The following DSCAM variants were observed in gnomAD, a reference collection of about 807,000 sequenced individuals.
The protein encoded by DSCAM is DS cell adhesion molecule.
In DSCAM, 47 loss-of-function variants were observed where a neutral mutation model predicts 217.7. The observed-to-expected ratio is 0.22, with a 90% CI of 0.17 to 0.28. The LOEUF is 0.28. Ranked by LOEUF, DSCAM falls within the 10% of genes least tolerant of loss-of-function variation. The pLI, the probability that DSCAM is intolerant of heterozygous loss-of-function variation, is 1.00. For missense variants in DSCAM, 2,080 were observed against 2,618.3 expected (o/e 0.79, Z 4.49); for synonymous variants, 1,056 against 1,015.3 (o/e 1.04, Z -0.76).
intron 23 of DSCAM, among the ~76,000 whole-genome samples, chr21:40,084,727 T>C (rs1196705012): frequency 6.6e-6 from 1 of 152,054 alleles, no homozygotes; most frequent in African/African-American, 2.4e-5. Flanking sequence ...AAAATTCCCT[T>C]CTCTTTTCCT....
At chr21:40,280,640 A>T (rs2073748113) in intron 10 of DSCAM, among the ~76,000 whole-genome samples, 1 of 152,250 alleles carries the variant, frequency 6.6e-6, no homozygotes, top group African/African-American at 2.4e-5. Context: ...AAATTCAAAC[A>T]GTAAAAAAGT....
At chr21:40,425,438 G>C (rs901601621) in intron 3 of DSCAM, among the ~76,000 whole-genome samples, 5 of 151,940 alleles carry the variant, frequency 3.3e-5, no homozygotes, top group African/African-American at 1.2e-4. Flanking sequence ...CACCAACCTG[G>C]CGCATGTATA....
intron 11 of DSCAM, among the ~76,000 whole-genome samples, chr21:40,222,423 CATGGGA>C (rs2091296166): frequency 6.6e-6 from 1 of 152,160 alleles, no homozygotes; most frequent in Non-Finnish European, 1.5e-5. Flanking sequence ...TTTGGTTCTG[CATGGGA>C]ATTAATCTTT....
chr21:40,437,198 G>A (rs1295385797), intron 3 of DSCAM, among the ~76,000 whole-genome samples: 1 of 152,152 alleles, frequency 6.6e-6, no homozygotes, highest in Non-Finnish European at 1.5e-5. Context: ...CAGAAGGGGT[G>A]TAGACAGGCT....
intron 3 of DSCAM, among the ~76,000 whole-genome samples, chr21:40,432,211 A>AAAT (rs1569120503): frequency 6.4e-5 from 3 of 46,794 alleles, no homozygotes; most frequent in African/African-American, 1.7e-4. Context: ...ATAATAATAA[A>AAAT]AAATAAATAT....
At chr21:40,576,711 GA>G (rs1195427100) in intron 3 of DSCAM, among the ~76,000 whole-genome samples, 3 of 151,794 alleles carry the variant, frequency 2.0e-5, no homozygotes, top group African/African-American at 4.8e-5. Flanking sequence ...TAGAACTCCT[GA>G]AAAATCCAAC....
intron 3 of DSCAM, among the ~76,000 whole-genome samples, chr21:40,635,124 G>A (rs1326407905): frequency 1.3e-5 from 2 of 152,100 alleles, no homozygotes; most frequent in African/African-American, 4.8e-5. Context: ...AGAGAGGTAG[G>A]TCACCATTCA....
intron 3 of DSCAM, among the ~76,000 whole-genome samples, chr21:40,614,232 C>G (rs2837748): frequency 2.7e-4 from 41 of 151,950 alleles, no homozygotes; most frequent in Middle Eastern, 3.4e-3. Flanking sequence ...GTAGACCACC[C>G]TAAGGGTTTT....
chr21:40,585,929 T>A (rs1343683007), intron 3 of DSCAM, among the ~76,000 whole-genome samples: 1 of 152,204 alleles, frequency 6.6e-6, no homozygotes, highest in African/African-American at 2.4e-5. Flanking sequence ...CTATCTCAGC[T>A]CACTGCAACC....
rs543982585 is a variant in DSCAM at position 40,012,973 on chromosome 21, AG to A, written c.*60del. ...TAAATATTGGAATTCCGTAAAAAAA[AG>A]GTAGCTTTGATTGAATTGTTTGAAT... On this transcript the variant is annotated 3_prime_UTR_variant, in exon 33 of 33. Coordinates refer to ENST00000400454, the MANE Select transcript of DSCAM (RefSeq NM_001389.5). 1.0e-4 allele frequency: 121 copies of A among 1,187,748 alleles called. No individual in the cohort carries two copies. In the East Asian group the frequency reaches 3.4e-3, roughly 33 times the overall value. 73.6% of individuals were successfully genotyped at this position (1,187,748 alleles called of 1,614,324 possible).
At position 40,353,601 on chromosome 21, in the gene DSCAM, T is replaced by G; in HGVS notation, c.798A>C (p.Glu266Asp). 6.2e-7 allele frequency: 1 copy of G among 1,610,880 alleles called. No individual in the cohort carries two copies. Among genetic ancestry groups the G allele is most frequent in the Non-Finnish European group, 8.5e-7 (1 of 1,179,264 alleles). The change falls in exon 5 of 33, where the codon GAA (glutamate) becomes GAC (aspartate). Residue 266 changes from glutamate to aspartate, a missense_variant. This residue lies in a region of DSCAM where 568 missense variants were observed against 678.1 expected (regional missense o/e 0.84). Coordinates refer to ENST00000400454, the MANE Select transcript of DSCAM (RefSeq NM_001389.5). ...YRWLKDNMPL[E>D]LSGRFQKTVT... ...CGGTCTTCTGGAACCTCCCTGAAAG[T>G]TCCAGGGGCATGTTGTCCTTCAGCC...
chr21:40,251,804 CT>C (rs1317768045), intron 11 of DSCAM, among the ~76,000 whole-genome samples: 2 of 152,198 alleles, frequency 1.3e-5, no homozygotes, highest in Non-Finnish European at 2.9e-5. Flanking sequence ...TAACTTCCAT[CT>C]TTCAACTCTC....
rs1192073944 is a variant in DSCAM, at chr21:40,338,152, A to G, written c.1732T>C (p.Leu578=). 1.2e-6 allele frequency: 2 copies of G among 1,614,152 alleles called. No homozygotes were observed. The highest frequency in any genetic ancestry group is 1.7e-6 in the Non-Finnish European group (2 of 1,180,062). The part of the protein sequence containing the change: ...VDEGEYTCNV[L]VQPQLSTSQS... Reference sequence around the variant, plus strand: ...CTGGTGGAGAGTTGTGGTTGAACCAACACGTTGCACGTGTACTCCCCCTCG... The same window carrying G: ...CTGGTGGAGAGTTGTGGTTGAACCAGCACGTTGCACGTGTACTCCCCCTCG... The change falls in exon 8 of 33, where the codon TTG becomes CTG. Residue 578 remains leucine (L), a synonymous_variant. Transcript: ENST00000400454.
At position 40,075,191 on chromosome 21, in the gene DSCAM, C is replaced by G. The variant is rs1324085279; in HGVS notation, c.4734G>C (p.Lys1578Asn). 3 of 1,614,104 alleles carry G rather than the reference C, an allele frequency of 1.9e-6. No individual in the cohort carries two copies. The highest frequency in any genetic ancestry group is 2.5e-6 in the Non-Finnish European group (3 of 1,180,052). Residue 1578 changes from lysine (K) to asparagine (N), a missense_variant, in exon 27 of 33, where the codon AAG (lysine) becomes AAC (asparagine). Around this residue, in one of 5 missense-constraint regions of DSCAM, gnomAD observed 1,144 missense variants for 1,421.1 expected, o/e 0.81. Coordinates refer to ENST00000400454, the MANE Select transcript of DSCAM (RefSeq NM_001389.5). Reference protein sequence around the residue: ...YDGSTIPPLIKSVVQNEEGLT... With the variant: ...YDGSTIPPLINSVVQNEEGLT... ...GCCCTTCTTCGTTTTGGACAACTGACTTAATGAGTGGAGGAATTGTACCTG... is the reference window on the plus strand; with the variant it reads ...GCCCTTCTTCGTTTTGGACAACTGAGTTAATGAGTGGAGGAATTGTACCTG...
intron 3 of DSCAM, among the ~76,000 whole-genome samples, chr21:40,466,481 C>T (rs1456964609): frequency 6.6e-6 from 1 of 152,184 alleles, no homozygotes; most frequent in Non-Finnish European, 1.5e-5. Flanking sequence ...TTCCATCTCC[C>T]TGCTTGAGTA....
rs1183933152 is a variant in DSCAM, at chr21:40,639,803, AT to A, written c.508+53006del. On this transcript the variant is annotated intron_variant, in intron 3 of 32. Coordinates refer to ENST00000400454, the MANE Select transcript of DSCAM (RefSeq NM_001389.5). ...CCATCACAATTCACAACTGGCCTGCATTGAAGCATGATTTTGCAAACAAAAA... is the reference window on the plus strand; with the variant it reads ...CCATCACAATTCACAACTGGCCTGCATGAAGCATGATTTTGCAAACAAAAA... Among the ~76,000 whole-genome samples, 5 of 152,270 alleles carry A rather than the reference AT, an allele frequency of 3.3e-5. No homozygotes were observed. In the East Asian group the frequency reaches 9.6e-4, roughly 29 times the overall value.
chr21:40,620,096 AAG>A (rs1191567283), intron 3 of DSCAM, among the ~76,000 whole-genome samples: 7 of 107,052 alleles, frequency 6.5e-5, no homozygotes, highest in African/African-American at 1.2e-4. Context: ...AAGAGAGAGA[AAG>A]AGAGAGAAAA....
At chr21:40,159,571 TA>T (rs1288624127) in intron 16 of DSCAM, among the ~76,000 whole-genome samples, 1 of 152,236 alleles carries the variant, frequency 6.6e-6, no homozygotes, top group Non-Finnish European at 1.5e-5. Context: ...CCTACCCATC[TA>T]TTTTTAAAAA....
intron 16 of DSCAM, among the ~76,000 whole-genome samples, chr21:40,165,340 C>T (rs1436298346): frequency 2.0e-5 from 3 of 152,030 alleles, no homozygotes; most frequent in Non-Finnish European, 2.9e-5. Flanking sequence ...ATAAACAGGC[C>T]GATGTGAAAT....
Sources: gnomAD v4.1 joint callset for allele counts (sites outside exome capture counted in the v4.1 genomes callset) on GRCh38, gnomAD v4.1.1 for gene constraint, gnomAD v4.1.1 regional missense constraint, MANE v1.5 for transcripts, NCBI Gene and HGNC (gene_info 2026-07-23, HGNC 2026-07-21) for gene names.